Variants in RAB27B observed in about 807,000 individuals in gnomAD.
RAB27B encodes the protein ras-related protein Rab-27B.
In RAB27B, 15 loss-of-function variants were observed where a neutral mutation model predicts 24.6. That is an observed-to-expected ratio of 0.61 (90% CI 0.41 to 0.94). The LOEUF (loss-of-function observed/expected upper bound fraction) is 0.94, where lower values mean the gene tolerates loss of function less well. Ranked by LOEUF, RAB27B falls within the 40% of genes least tolerant of loss-of-function variation. The pLI, the probability that RAB27B is intolerant of heterozygous loss-of-function variation, is 0.00. For synonymous variants in RAB27B, 105 were observed against 92.5 expected (o/e 1.14, Z -0.78); for missense variants, 261 against 266.8 (o/e 0.98, Z 0.15).
intron 2 of RAB27B, among the ~76,000 whole-genome samples, chr18:54,800,576 ATTC>A (rs1472250388): frequency 6.6e-6 from 1 of 152,162 alleles, no homozygotes; most frequent in Non-Finnish European, 1.5e-5. Flanking sequence ...ACTGTTTGCC[ATTC>A]TTCTTTTGAG....
intron 2 of RAB27B, among the ~76,000 whole-genome samples, chr18:54,724,032 T>C (rs1909447813): frequency 6.6e-6 from 1 of 151,952 alleles, no homozygotes; most frequent in African/African-American, 2.4e-5. Flanking sequence ...TTAGGGAACA[T>C]ACTTTTATAA....
chr18:54,884,840 A>G (rs1268679777), intron 4 of RAB27B, among the ~76,000 whole-genome samples: 1 of 152,160 alleles, frequency 6.6e-6, no homozygotes, highest in East Asian at 1.9e-4. Flanking sequence ...CTGAGGGGAC[A>G]CTGGCACTGA....
rs200080884 is a variant in RAB27B at position 54,879,411 on chromosome 18, T to C, written c.196T>C (p.Phe66Leu). ...ACCGAATGGATCTTCAGGGAAAGCA[T>C]TTAAAGTGCATCTTCAGCTTTGGGA... ...QGPNGSSGKA[F>L]KVHLQLWDTA... The change falls in exon 3 of 6, where the codon TTT becomes CTT. Residue 66 changes from phenylalanine (F) to leucine (L), a missense_variant. Transcript: ENST00000262094. 6.3e-5 allele frequency: 102 copies of C among 1,613,066 alleles called. No homozygotes were observed. The highest frequency in any genetic ancestry group is 4.7e-5 in the Non-Finnish European group (56 of 1,179,218).
intron 2 of RAB27B, among the ~76,000 whole-genome samples, chr18:54,747,873 C>T (rs764787444): frequency 2.0e-5 from 3 of 152,006 alleles, no homozygotes; most frequent in Non-Finnish European, 4.4e-5. Context: ...TTTGGGAGAC[C>T]AAGGAAGGCA....
chr18:54,772,987 A>G (rs1424049055), intron 2 of RAB27B, among the ~76,000 whole-genome samples: 3 of 151,792 alleles, frequency 2.0e-5, no homozygotes, highest in East Asian at 1.9e-4. Flanking sequence ...GTTTACATGC[A>G]CTTTCAAATC....
chr18:54,806,509 C>A (rs1909794292), intron 2 of RAB27B, among the ~76,000 whole-genome samples: 1 of 145,002 alleles, frequency 6.9e-6, no homozygotes, highest in Admixed American at 6.9e-5. Context: ...GAAATGGGTC[C>A]AAGAATGTTA....
intron 2 of RAB27B, among the ~76,000 whole-genome samples, chr18:54,723,843 G>A (rs1240382240): frequency 1.3e-5 from 2 of 152,136 alleles, no homozygotes; most frequent in African/African-American, 4.8e-5. Flanking sequence ...TGACAACTAT[G>A]ATTCCTTCCA....
intron 1 of RAB27B, among the ~76,000 whole-genome samples, chr18:54,857,997 A>G (rs1203697993): frequency 2.0e-5 from 3 of 152,258 alleles, no homozygotes; most frequent in African/African-American, 7.2e-5. Flanking sequence ...CAGCTCTTTC[A>G]GATGATGTTG....
intron 2 of RAB27B, among the ~76,000 whole-genome samples, chr18:54,804,765 G>A (rs943718895): frequency 9.9e-5 from 15 of 152,082 alleles, no homozygotes; most frequent in Non-Finnish European, 2.2e-4. Flanking sequence ...AATGGGAAAT[G>A]GGATCTCTGG....
At chr18:54,843,078 G>A (rs1239812995) in intron 1 of RAB27B, among the ~76,000 whole-genome samples, 3 of 152,182 alleles carry the variant, frequency 2.0e-5, no homozygotes, top group Admixed American at 6.5e-5. Context: ...TTACAGGTGT[G>A]AGCCACCGTG....
chr18:54,790,710 T>C (rs1909222221), intron 2 of RAB27B, among the ~76,000 whole-genome samples: 1 of 152,342 alleles, frequency 6.6e-6, no homozygotes, highest in South Asian at 2.1e-4. Context: ...ATGTGTAGTA[T>C]ATTTTTATAG....
At chr18:54,797,697 CT>C (rs1034586597) in intron 2 of RAB27B, among the ~76,000 whole-genome samples, 20 of 152,206 alleles carry the variant, frequency 1.3e-4, no homozygotes, top group Admixed American at 1.2e-3. Context: ...TGCAGAGTGA[CT>C]TATGGTCTAC....
intron 2 of RAB27B, among the ~76,000 whole-genome samples, chr18:54,802,964 T>C (rs979793403): frequency 2.0e-5 from 3 of 152,210 alleles, no homozygotes; most frequent in Non-Finnish European, 4.4e-5. Context: ...AGCATTTTGA[T>C]TTAAAGTAGT....
At chr18:54,803,218 C>T (rs1170442037) in intron 2 of RAB27B, among the ~76,000 whole-genome samples, 1 of 152,122 alleles carries the variant, frequency 6.6e-6, no homozygotes, top group East Asian at 1.9e-4. Flanking sequence ...ACTGGGAAAA[C>T]AAGCTCTTTC....
In RAB27B at chr18:54,892,308, T is replaced by C. The variant is rs1913400087; in HGVS notation, c.*2895T>C. 6.6e-6 allele frequency: 1 copy of C among 152,014 alleles called. No individual in the cohort carries two copies. The highest frequency in any genetic ancestry group is 1.5e-5 in the Non-Finnish European group (1 of 67,978). The allele number at this position is 152,014 out of a possible 1,614,324, so 9.4% of individuals were successfully genotyped here. On this transcript the variant is annotated 3_prime_UTR_variant, in exon 6 of 6. Coordinates refer to ENST00000262094, the MANE Select transcript of RAB27B (RefSeq NM_004163.4). Reference sequence around the variant, plus strand: ...TCAGATACCTCTGTGACCAAATTTGTCTCCAACCACATAGCTCATTTCCTA... The same window carrying C: ...TCAGATACCTCTGTGACCAAATTTGCCTCCAACCACATAGCTCATTTCCTA...
intron 2 of RAB27B, among the ~76,000 whole-genome samples, chr18:54,772,222 T>G (rs1908573416): frequency 6.6e-6 from 1 of 152,202 alleles, no homozygotes; most frequent in Non-Finnish European, 1.5e-5. Context: ...CCTGATGAGG[T>G]TTAGCCAATT....
intron 1 of RAB27B, among the ~76,000 whole-genome samples, chr18:54,866,778 C>G (rs748591138): frequency 2.6e-5 from 4 of 152,170 alleles, no homozygotes; most frequent in African/African-American, 7.2e-5. Flanking sequence ...GCACTGGGAG[C>G]CAAACCATTT....
intron 2 of RAB27B, among the ~76,000 whole-genome samples, chr18:54,726,872 A>C (rs976352364): frequency 6.9e-6 from 1 of 143,904 alleles, no homozygotes; most frequent in African/African-American, 2.5e-5. Flanking sequence ...TGGGTTTTGC[A>C]TGTTGGCAAG....
intron 2 of RAB27B, among the ~76,000 whole-genome samples, chr18:54,733,650 GC>G (rs557873086): frequency 0.074 from 6,798 of 92,168 alleles, 467 homozygotes; most frequent in Admixed American, 0.13. Flanking sequence ...CTGTTCTAGA[GC>G]CCCCCCCCCC....
Sources: allele counts gnomAD v4.1 joint callset (sites outside exome capture counted in the v4.1 genomes callset), GRCh38; gene constraint gnomAD v4.1.1; transcripts MANE v1.5; gene names NCBI Gene and HGNC (gene_info 2026-07-23, HGNC 2026-07-21).